Variants in RGS6 observed in about 807,000 individuals in gnomAD.
RGS6 encodes regulator of G protein signaling 6, also known as regulator of G-protein signaling 6.
Under a neutral mutation model 78.5 loss-of-function variants are expected in RGS6, and 30 were observed. That is an observed-to-expected ratio of 0.38 (90% CI 0.29 to 0.52). RGS6 has a LOEUF of 0.52. Among genes scored for constraint, RGS6 ranks in the 20% least tolerant of loss-of-function variants. The pLI is 0.85. For missense variants in RGS6, 495 were observed against 609.7 expected, an observed-to-expected ratio of 0.81 and a Z score of 1.98; for synonymous variants, 206 against 206.0, an observed-to-expected ratio of 1.00 and a Z score of 0.00.
the RGS6 span, among the ~76,000 whole-genome samples, chr14:71,911,525 C>T: frequency 1.5e-3 from 228 of 152,262 alleles, no homozygotes; most frequent in Non-Finnish European, 1.7e-3. Context: ...ATTATCCTAC[C>T]GTAGGCTTAG....
At chr14:72,506,678 A>G (rs941039963) in intron 13 of RGS6, among the ~76,000 whole-genome samples, 2 of 152,226 alleles carry the variant, frequency 1.3e-5, no homozygotes, top group Non-Finnish European at 2.9e-5. Context: ...AATAATGGAT[A>G]GTTGAGGGAA....
intron 2 of RGS6, among the ~76,000 whole-genome samples, chr14:72,054,113 A>G (rs1454671048): frequency 6.6e-6 from 1 of 152,216 alleles, no homozygotes; most frequent in Non-Finnish European, 1.5e-5. Context: ...CAACATGAAG[A>G]TGACTGATAC....
intron 2 of RGS6, among the ~76,000 whole-genome samples, chr14:72,166,151 T>C (rs2096924847): frequency 6.6e-6 from 1 of 151,410 alleles, no homozygotes; most frequent in Non-Finnish European, 1.5e-5. Context: ...CTGACTTTGT[T>C]ATTCCTTACT....
intron 2 of RGS6, among the ~76,000 whole-genome samples, chr14:72,350,531 A>G (rs909942945): frequency 6.6e-6 from 1 of 152,188 alleles, no homozygotes; most frequent in Non-Finnish European, 1.5e-5. Context: ...ATTGTGAGCA[A>G]ACATGCTCTA....
chr14:72,359,088 G>A (rs1265619002), intron 3 of RGS6, among the ~76,000 whole-genome samples: 2 of 152,180 alleles, frequency 1.3e-5, no homozygotes, highest in East Asian at 3.9e-4. Context: ...AGAAGGATGT[G>A]TTTGCTTTCC....
At chr14:71,912,001 T>C in the RGS6 span, among the ~76,000 whole-genome samples, 1 of 152,148 alleles carries the variant, frequency 6.6e-6, no homozygotes. Flanking sequence ...TCTAAACGCA[T>C]TAAAATTAGG....
intron 7 of RGS6, among the ~76,000 whole-genome samples, chr14:72,468,826 G>A (rs764896240): frequency 6.6e-6 from 1 of 152,176 alleles, no homozygotes; most frequent in African/African-American, 2.4e-5. Flanking sequence ...CAGTGGAAGA[G>A]TCACAAAGAC....
At chr14:72,089,727 G>A (rs142021609) in intron 2 of RGS6, among the ~76,000 whole-genome samples, 303 of 152,286 alleles carry the variant, frequency 2.0e-3, no homozygotes, top group African/African-American at 7.0e-3. Context: ...AGGGAGAGCC[G>A]CATGGCATAA....
chr14:72,477,038 T>G, intron 11 of RGS6, 198 bp downstream of exon 11: 3 of 555,016 alleles, frequency 5.4e-6, no homozygotes, highest in Non-Finnish European at 6.4e-6. Context: ...CTCTACCCAG[T>G]TCCTCCAGCA....
intron 2 of RGS6, among the ~76,000 whole-genome samples, chr14:72,048,391 G>A (rs1010540799): frequency 1.3e-5 from 2 of 152,222 alleles, no homozygotes; most frequent in Non-Finnish European, 2.9e-5. Flanking sequence ...CTATGCTAAC[G>A]CCTTCTAGTA....
intron 2 of RGS6, among the ~76,000 whole-genome samples, chr14:72,227,509 G>GT (rs1486394906): frequency 6.6e-6 from 1 of 152,148 alleles, no homozygotes; most frequent in Admixed American, 6.6e-5. Context: ...AACCCCTAGT[G>GT]TTTTGGGCAA....
At chr14:72,174,565 T>C (rs1170158676) in intron 2 of RGS6, among the ~76,000 whole-genome samples, 1 of 152,216 alleles carries the variant, frequency 6.6e-6, no homozygotes, top group African/African-American at 2.4e-5. Flanking sequence ...AATTCACCTC[T>C]TGAGGGGTCC....
intron 2 of RGS6, among the ~76,000 whole-genome samples, chr14:72,159,855 G>A (rs1013985755): frequency 6.6e-6 from 1 of 152,204 alleles, no homozygotes; most frequent in African/African-American, 2.4e-5. Context: ...GGCACTCTTG[G>A]AGGAAGATAT....
intron 2 of RGS6, among the ~76,000 whole-genome samples, chr14:72,049,457 C>T (rs193282334): frequency 4.6e-5 from 7 of 152,288 alleles, no homozygotes; most frequent in East Asian, 3.9e-4. Context: ...GCAAGTCTCT[C>T]GTGATATCTA....
chr14:72,221,924 A>G (rs1473045542), intron 2 of RGS6, among the ~76,000 whole-genome samples: 1 of 152,188 alleles, frequency 6.6e-6, no homozygotes, highest in African/African-American at 2.4e-5. Flanking sequence ...AAGAAGAAAA[A>G]AGGAGATGTT....
At chr14:72,258,026 A>G (rs2057415565) in intron 2 of RGS6, among the ~76,000 whole-genome samples, 2 of 152,232 alleles carry the variant, frequency 1.3e-5, no homozygotes, top group African/African-American at 4.8e-5. Context: ...ATCCAAATAC[A>G]TTGGAACCAC....
chr14:72,205,753 G>GA (rs750961085), intron 2 of RGS6, among the ~76,000 whole-genome samples: 76 of 152,230 alleles, frequency 5.0e-4, no homozygotes, highest in South Asian at 2.1e-3. Flanking sequence ...CTAAGGCTCA[G>GA]AAAAAAACAA....
intron 3 of RGS6, among the ~76,000 whole-genome samples, chr14:72,411,168 C>T (rs1483118686): frequency 1.3e-5 from 2 of 152,096 alleles, no homozygotes; most frequent in Admixed American, 1.3e-4. Flanking sequence ...GGCGGTATGG[C>T]CATTTTCACG....
chr14:72,599,649 C>T, the RGS6 span, among the ~76,000 whole-genome samples: 1 of 144,918 alleles, frequency 6.9e-6, no homozygotes, highest in Non-Finnish European at 1.5e-5. Context: ...TGGTCTCGAT[C>T]TCCTGACCTC....
Sources: allele counts gnomAD v4.1 joint callset (sites outside exome capture counted in the v4.1 genomes callset), GRCh38; gene constraint gnomAD v4.1.1; transcripts MANE v1.5; gene names NCBI Gene and HGNC (gene_info 2026-07-23, HGNC 2026-07-21).